Variants in SPATS2 observed in about 807,000 individuals in gnomAD.
SPATS2 encodes the protein spermatogenesis associated serine rich 2.
Under a neutral mutation model 63.7 loss-of-function variants are expected in SPATS2, and 38 were observed. The observed-to-expected ratio is 0.60, with a 90% confidence interval of 0.46 to 0.78. The LOEUF is 0.78. Ranked by LOEUF, SPATS2 falls within the 30% of genes least tolerant of loss-of-function variation. The probability of loss-of-function intolerance (pLI) is 0.00; values close to 1 mark genes in which losing one functional copy is unlikely to be tolerated. For missense variants in SPATS2, 588 were observed against 666.2 expected, an observed-to-expected ratio of 0.88 and a Z score of 1.29; for synonymous variants, 207 against 232.9, an observed-to-expected ratio of 0.89 and a Z score of 1.01.
At chr12:49,378,015 C>T (rs1033825581) in intron 2 of SPATS2, among the ~76,000 whole-genome samples, 1 of 152,112 alleles carries the variant, frequency 6.6e-6, no homozygotes, top group Non-Finnish European at 1.5e-5. Context: ...TCTTGACACC[C>T]AGGCTGGAGC....
chr12:49,373,506 C>CCCCAGCCAAAG (rs1367035561), intron 2 of SPATS2, among the ~76,000 whole-genome samples: 1 of 152,100 alleles, frequency 6.6e-6, no homozygotes, highest in Admixed American at 6.6e-5. Flanking sequence ...TTGTTGGGGG[C>CCCCAGCCAAAG]TGGGCATGGT....
chr12:49,384,497 A>G (rs965357099), intron 2 of SPATS2, among the ~76,000 whole-genome samples: 6 of 152,208 alleles, frequency 3.9e-5, no homozygotes, highest in Non-Finnish European at 7.3e-5. Context: ...CATTTTCTGT[A>G]TAGATGTAGA....
chr12:49,411,778 G>T (rs952236577), intron 2 of SPATS2, among the ~76,000 whole-genome samples: 1 of 152,152 alleles, frequency 6.6e-6, no homozygotes, highest in African/African-American at 2.4e-5. Flanking sequence ...TCTTTCAGAG[G>T]TAAGTTACCT....
At chr12:49,514,532 A>G (rs1395972896) in intron 9 of SPATS2, 23 bp from the exon 10 acceptor site, 1 of 1,608,444 alleles carries the variant, frequency 6.2e-7, no homozygotes, top group Non-Finnish European at 8.5e-7. Flanking sequence ...CAAACTTTTT[A>G]TTCCTTTGTC....
At chr12:49,391,199 T>C (rs1476326134) in intron 2 of SPATS2, among the ~76,000 whole-genome samples, 4 of 152,172 alleles carry the variant, frequency 2.6e-5, no homozygotes, top group Non-Finnish European at 5.9e-5. Context: ...TTTAGAAGTA[T>C]TTGTTTTCTG....
intron 2 of SPATS2, among the ~76,000 whole-genome samples, chr12:49,426,931 C>G (rs775535303): frequency 1.3e-5 from 2 of 152,218 alleles, no homozygotes; most frequent in East Asian, 3.8e-4. Flanking sequence ...TTTGGACTTA[C>G]AGATAATGCT....
intron 1 of SPATS2, among the ~76,000 whole-genome samples, chr12:49,370,780 C>A (rs1045254362): frequency 2.0e-5 from 3 of 152,172 alleles, no homozygotes; most frequent in South Asian, 4.1e-4. Context: ...TTTACTCCCC[C>A]CCAACCTCCT....
chr12:49,401,737 G>A (rs895392447), intron 2 of SPATS2, among the ~76,000 whole-genome samples: 34 of 151,626 alleles, frequency 2.2e-4, no homozygotes, highest in Non-Finnish European at 2.4e-4. Context: ...TCACTCTGTC[G>A]CCCCGACTGG....
chr12:49,387,841 C>G (rs374322348), intron 2 of SPATS2, among the ~76,000 whole-genome samples: 8 of 152,182 alleles, frequency 5.3e-5, no homozygotes, highest in African/African-American at 1.9e-4. Context: ...GCTGACACAT[C>G]TGTTCATAAT....
chr12:49,499,035 C>T (rs1341809079), intron 8 of SPATS2, among the ~76,000 whole-genome samples: 1 of 152,178 alleles, frequency 6.6e-6, no homozygotes, highest in Non-Finnish European at 1.5e-5. Context: ...ATCCACCCAT[C>T]TTGGCCTCCC....
At chr12:49,440,532 G>C (rs545286240) in intron 2 of SPATS2, among the ~76,000 whole-genome samples, 28 of 150,438 alleles carry the variant, frequency 1.9e-4, no homozygotes, top group Non-Finnish European at 3.5e-4. Context: ...GCAGTGGTGC[G>C]ATCTTGGCTC....
At chr12:49,501,092 C>A (rs1331977217) in intron 9 of SPATS2, among the ~76,000 whole-genome samples, 1 of 152,156 alleles carries the variant, frequency 6.6e-6, no homozygotes, top group African/African-American at 2.4e-5. Flanking sequence ...GCTGGTACTA[C>A]AGGCATGTAC....
chr12:49,386,868 A>C (rs1341137107), intron 2 of SPATS2, among the ~76,000 whole-genome samples: 1 of 152,144 alleles, frequency 6.6e-6, no homozygotes, highest in African/African-American at 2.4e-5. Flanking sequence ...TGGGTAAAGG[A>C]CAAGATCAGT....
chr12:49,429,819 C>T (rs1945148492), intron 2 of SPATS2, among the ~76,000 whole-genome samples: 1 of 142,334 alleles, frequency 7.0e-6, no homozygotes, highest in Non-Finnish European at 1.5e-5. Flanking sequence ...CTCACTCTGT[C>T]ACCCAGGCTG....
intron 3 of SPATS2, among the ~76,000 whole-genome samples, chr12:49,467,874 C>A (rs1373082162): frequency 6.6e-6 from 1 of 151,714 alleles, no homozygotes; most frequent in South Asian, 2.1e-4. Context: ...GCTGGGACTA[C>A]AGGCACCTGC....
chr12:49,398,556 T>C (rs745499141), intron 2 of SPATS2, among the ~76,000 whole-genome samples: 15 of 152,176 alleles, frequency 9.9e-5, no homozygotes, highest in Non-Finnish European at 1.9e-4. Flanking sequence ...GGTTTCTTGT[T>C]TGGGAGACCA....
At chr12:49,384,189 A>G (rs1392907569) in intron 2 of SPATS2, among the ~76,000 whole-genome samples, 1 of 152,142 alleles carries the variant, frequency 6.6e-6, no homozygotes, top group Non-Finnish European at 1.5e-5. Flanking sequence ...TTAGTCTTGA[A>G]TTCCTGCCTC....
At chr12:49,516,153 AAAAAAAAAAAAAAATATAT>A in intron 10 of SPATS2, among the ~76,000 whole-genome samples, 1 of 43,760 alleles carries the variant, frequency 2.3e-5, no homozygotes, top group Non-Finnish European at 4.1e-5. Context: ...AAAAAAAAAA[AAAAAAAAAAAAAAATATAT>A]ATATATATAT....
chr12:49,375,916 C>A (rs1944092540), intron 2 of SPATS2, among the ~76,000 whole-genome samples: 1 of 151,380 alleles, frequency 6.6e-6, no homozygotes, highest in Admixed American at 6.6e-5. Flanking sequence ...CTTAAGTGAT[C>A]CTCCTGCCTC....
Sources: gnomAD v4.1 joint callset for allele counts (sites outside exome capture counted in the v4.1 genomes callset) on GRCh38, gnomAD v4.1.1 for gene constraint, MANE v1.5 for transcripts, NCBI Gene and HGNC (gene_info 2026-07-23, HGNC 2026-07-21) for gene names.